The following CHL1 variants were observed in gnomAD, a reference collection of about 807,000 sequenced individuals.
CHL1 encodes cell adhesion molecule L1 like, also known as neural cell adhesion molecule L1-like protein.
CHL1 carries 96 observed loss-of-function variants against 141.9 expected under a neutral mutation model. That is an observed-to-expected ratio of 0.68 (90% CI 0.57 to 0.80). CHL1 has a LOEUF of 0.80. CHL1 is among the 30% of genes least tolerant of loss of function. The probability of loss-of-function intolerance (pLI) is 0.00; values close to 1 mark genes in which losing one functional copy is unlikely to be tolerated. For missense variants in CHL1, 1,820 were observed against 1,457.2 expected (o/e 1.25, Z -4.05); for synonymous variants, 613 against 502.2 (o/e 1.22, Z -2.95).
chr3:398,292 G>C lies in CHL1; in HGVS notation c.3160G>C (p.Glu1054Gln). The C allele has an allele frequency of 6.2e-7, 1 of 1,607,662 alleles. No individual in the cohort carries two copies. The highest frequency in any genetic ancestry group is 8.5e-7 in the Non-Finnish European group (1 of 1,174,270). ...TQKTHPIEVF[E>Q]PGAEHIVRLM... is the part of the protein sequence containing the mutation. ...AAAGACTCACCCAATAGAGGTATTT[G>C]AGCCGGGAGCTGAACATATAGTTCG... The change falls in exon 25 of 28, where the codon GAG (glutamate) becomes CAG (glutamine). Residue 1054 changes from glutamate to glutamine, a missense_variant. Transcript: ENST00000256509.
chr3:206,848 A>G (rs1364606541), intron 1 of CHL1, among the ~76,000 whole-genome samples: 1 of 152,242 alleles, frequency 6.6e-6, no homozygotes, highest in Non-Finnish European at 1.5e-5. Context: ...TATGATATGA[A>G]TACGCATGGA....
chr3:386,170 T>C (rs938338869), intron 19 of CHL1, among the ~76,000 whole-genome samples: 1 of 145,082 alleles, frequency 6.9e-6, no homozygotes, highest in Non-Finnish European at 1.5e-5. Context: ...CTAGAAATAA[T>C]TCCTATCTAC....
intron 6 of CHL1, 41 bp from the exon 7 acceptor site, chr3:341,871 G>C: frequency 6.7e-7 from 1 of 1,482,356 alleles, no homozygotes; most frequent in Non-Finnish European, 9.2e-7. Flanking sequence ...AGCACAGTAA[G>C]GGACAATTGC....
At chr3:233,815 A>G (rs1175443563) in intron 1 of CHL1, among the ~76,000 whole-genome samples, 3 of 152,054 alleles carry the variant, frequency 2.0e-5, no homozygotes, top group African/African-American at 7.2e-5. Flanking sequence ...TTATTTCTCT[A>G]TTATTGGGCA....
At chr3:350,433 A>C (rs1281091183) in intron 10 of CHL1, among the ~76,000 whole-genome samples, 1 of 152,168 alleles carries the variant, frequency 6.6e-6, no homozygotes, top group African/African-American at 2.4e-5. Context: ...TGATGACTGC[A>C]TTTGTACTTA....
At chr3:206,900 C>A (rs1353505667) in intron 1 of CHL1, among the ~76,000 whole-genome samples, 1 of 152,198 alleles carries the variant, frequency 6.6e-6, no homozygotes, top group South Asian at 2.1e-4. Context: ...AATTGCATTT[C>A]GCGGTTGGCA....
intron 2 of CHL1, among the ~76,000 whole-genome samples, chr3:266,431 A>T (rs2125223138): frequency 6.6e-6 from 1 of 152,326 alleles, no homozygotes; most frequent in African/African-American, 2.4e-5. Context: ...GTCTGGCTGC[A>T]CAACAGGCAT....
At chr3:239,841 G>A (rs1352753525) in intron 1 of CHL1, among the ~76,000 whole-genome samples, 1 of 151,906 alleles carries the variant, frequency 6.6e-6, no homozygotes, top group Non-Finnish European at 1.5e-5. Context: ...TGAGAACATA[G>A]GATTTTTGGT....
intron 25 of CHL1, among the ~76,000 whole-genome samples, chr3:398,688 A>G (rs982030993): frequency 6.6e-6 from 1 of 152,196 alleles, no homozygotes; most frequent in South Asian, 2.1e-4. Context: ...ACCGGTCTCC[A>G]TGGTCATCTG....
At chr3:231,575 CTTTTTTTTTT>C (rs5845954) in intron 1 of CHL1, among the ~76,000 whole-genome samples, 256 of 100,562 alleles carry the variant, frequency 2.5e-3, no homozygotes, top group African/African-American at 8.2e-3. Flanking sequence ...TTATTTCTTC[CTTTTTTTTTT>C]TTTTTTTTTT....
intron 1 of CHL1, chr3:197,686 G>A (rs1201815039): frequency 2.4e-6 from 1 of 412,048 alleles, no homozygotes; most frequent in Non-Finnish European, 4.8e-6. Flanking sequence ...GGACCGTGGG[G>A]TTGTGGGGTT....
intron 2 of CHL1, among the ~76,000 whole-genome samples, chr3:310,934 T>G (rs1439463884): frequency 6.6e-6 from 1 of 152,218 alleles, no homozygotes; most frequent in Non-Finnish European, 1.5e-5. Flanking sequence ...TTTTACTTTC[T>G]CAATAGTTTT....
At chr3:377,035 CT>C (rs1559330922) in intron 15 of CHL1, among the ~76,000 whole-genome samples, 1 of 152,136 alleles carries the variant, frequency 6.6e-6, no homozygotes. Context: ...AAGGATGACA[CT>C]ATTTAAGTTA....
chr3:261,330 G>A (rs1479619549), intron 2 of CHL1, among the ~76,000 whole-genome samples: 2 of 151,884 alleles, frequency 1.3e-5, no homozygotes, highest in Non-Finnish European at 2.9e-5. Context: ...GAGAGGGAAG[G>A]AAGAAAGAAG....
intron 2 of CHL1, chr3:282,737 C>T (rs892827082): frequency 6.6e-6 from 1 of 152,156 alleles, no homozygotes; most frequent in Non-Finnish European, 1.5e-5. Flanking sequence ...TGCCCAAGGA[C>T]CATAGTAACC....
intron 2 of CHL1, among the ~76,000 whole-genome samples, chr3:257,097 T>C (rs1694242269): frequency 6.6e-6 from 1 of 152,176 alleles, no homozygotes; most frequent in Non-Finnish European, 1.5e-5. Flanking sequence ...TCATGTCACC[T>C]CAAATATGGA....
intron 2 of CHL1, among the ~76,000 whole-genome samples, chr3:315,376 G>A (rs1700083292): frequency 6.6e-6 from 1 of 152,094 alleles, no homozygotes; most frequent in Non-Finnish European, 1.5e-5. Context: ...CCAGTCAGGA[G>A]GCCACAGTAG....
chr3:390,191 T>C (rs767077934), intron 20 of CHL1, among the ~76,000 whole-genome samples: 2 of 152,316 alleles, frequency 1.3e-5, no homozygotes, highest in African/African-American at 2.4e-5. Flanking sequence ...TGAATTAAGA[T>C]AGTATTAGCC....
At chr3:295,593 C>G (rs566467706) in intron 2 of CHL1, among the ~76,000 whole-genome samples, 1 of 152,232 alleles carries the variant, frequency 6.6e-6, no homozygotes, top group African/African-American at 2.4e-5. Flanking sequence ...TCATCCATCT[C>G]TGTCAGAGTT....
Sources: allele counts gnomAD v4.1 joint callset (sites outside exome capture counted in the v4.1 genomes callset), GRCh38; gene constraint gnomAD v4.1.1; transcripts MANE v1.5; gene names NCBI Gene and HGNC (gene_info 2026-07-23, HGNC 2026-07-21).